The following NADSYN1 variants were observed in gnomAD, a reference collection of about 807,000 sequenced individuals.
NADSYN1 encodes NAD synthetase 1.
A neutral mutation model predicts 99.3 loss-of-function variants in NADSYN1; 80 were observed. That is an observed-to-expected ratio of 0.81 (90% CI 0.67 to 0.97). The LOEUF is 0.97. Ranked by LOEUF, NADSYN1 falls within the 50% of genes least tolerant of loss-of-function variation. NADSYN1 has a pLI of 0.00. For missense variants in NADSYN1, 859 were observed against 948.5 expected (o/e 0.91, Z 1.24); for synonymous variants, 385 against 372.1 (o/e 1.03, Z -0.40).
chr11:71,466,913 A>G (rs1949595243), intron 5 of NADSYN1: 1 of 152,164 alleles, frequency 6.6e-6, no homozygotes, highest in Non-Finnish European at 1.5e-5. Context: ...TTTTGCCCCA[A>G]GGGTTTCCTA....
intron 13 of NADSYN1, 84 bp from the exon 14 acceptor site, chr11:71,482,765 C>T: frequency 1.4e-6 from 2 of 1,469,554 alleles, no homozygotes; most frequent in East Asian, 2.5e-5. Context: ...GCATGGGCAC[C>T]TGGGGGTGTA....
intron 17 of NADSYN1, among the ~76,000 whole-genome samples, chr11:71,491,449 C>T (rs1171702406): frequency 7.3e-5 from 9 of 124,080 alleles, no homozygotes; most frequent in African/African-American, 2.4e-4. Context: ...TGCTTAGCTT[C>T]GCCACACGGG....
chr11:71,491,938 C>T (rs1210931127), intron 18 of NADSYN1, 35 bp downstream of exon 18: 5 of 1,592,746 alleles, frequency 3.1e-6, no homozygotes, highest in Non-Finnish European at 4.3e-6. Context: ...TGCTTCCTGC[C>T]CTCCTCCCCA....
chr11:71,464,683 C>T (rs557336098), intron 5 of NADSYN1, among the ~76,000 whole-genome samples: 7 of 152,010 alleles, frequency 4.6e-5, no homozygotes, highest in East Asian at 3.9e-4. Flanking sequence ...CTGGCTAACA[C>T]GGTGAAACCC....
chr11:71,501,240 T>A lies in NADSYN1; in HGVS notation c.2071-62T>A. On this transcript the variant is annotated intron_variant, in intron 20 of 20. Coordinates refer to ENST00000319023, the MANE Select transcript of NADSYN1 (RefSeq NM_018161.5). ...GTGACCCGCTTTTGGTGCGTGCCAG[T>A]GTTTCAACAGCCCCACAGTCCGTCT... The A allele has an allele frequency of 2.1e-6, 3 of 1,425,164 alleles. No individual in the cohort carries two copies. In the South Asian group the frequency reaches 4.4e-5, roughly 21 times the overall value. 88.3% of individuals were successfully genotyped at this position (1,425,164 alleles called of 1,614,324 possible).
At position 71,478,464 on chromosome 11, in the gene NADSYN1, C is replaced by T; in HGVS notation, c.868C>T (p.Leu290=). The part of the protein sequence containing the change: ...SYRAEISSRN[L]AASRASPYPR... ...CAGGGCGGAGATTTCATCTCGAAAC[C>T]TGGCGGTGAGTGCTCCAGTAGACAC... The change falls in exon 10 of 21, where the codon CTG becomes TTG. Residue 290 remains leucine (L), a synonymous_variant. Coordinates refer to ENST00000319023, the MANE Select transcript of NADSYN1 (RefSeq NM_018161.5). 3 of 1,603,552 alleles carry T rather than the reference C, an allele frequency of 1.9e-6. No homozygotes were observed. Among genetic ancestry groups the T allele is most frequent in the Non-Finnish European group, 2.6e-6 (3 of 1,174,956 alleles).
At chr11:71,455,628 C>T (rs1179784255) in intron 2 of NADSYN1, among the ~76,000 whole-genome samples, 2 of 152,190 alleles carry the variant, frequency 1.3e-5, no homozygotes, top group Non-Finnish European at 2.9e-5. Context: ...GCTTGTTGGC[C>T]CCTTCTACCA....
rs777170616 is a variant in NADSYN1 at position 71,491,838 on chromosome 11, C to T, written c.1699C>T (p.Leu567=). The change falls in exon 18 of 21, where the codon CTG becomes TTG. Residue 567 remains leucine (L), a synonymous_variant. Coordinates refer to ENST00000319023, the MANE Select transcript of NADSYN1 (RefSeq NM_018161.5). ...CTCTGTGTGTTTTGGCTGCAGCATCCTGTTGGCGCCGGCCACCGCAGAGCT... is the reference window on the plus strand; with the variant it reads ...CTCTGTGTGTTTTGGCTGCAGCATCTTGTTGGCGCCGGCCACCGCAGAGCT... The part of the protein sequence containing the change: ...RFQLPALQSI[L]LAPATAELEP... The T allele has an allele frequency of 4.3e-6, 7 of 1,614,014 alleles. No individual in the cohort carries two copies. The South Asian group carries it at 6.6e-5, about 15-fold the overall frequency.
chr11:71,487,517 G>A (rs1296989494), intron 16 of NADSYN1, among the ~76,000 whole-genome samples: 1 of 152,122 alleles, frequency 6.6e-6, no homozygotes, highest in Non-Finnish European at 1.5e-5. Context: ...GAGCTGGAAG[G>A]TCTCTAGATG....
chr11:71,487,676 A>G (rs1263809304), intron 16 of NADSYN1, among the ~76,000 whole-genome samples: 1 of 151,828 alleles, frequency 6.6e-6, no homozygotes, highest in African/African-American at 2.4e-5. Context: ...CTAAAAATAC[A>G]AAAAATTAGC....
chr11:71,501,682 C>T lies in NADSYN1; in HGVS notation c.*330C>T. Reference sequence around the variant, plus strand: ...GGCATCTTTGCTGCAGGAACAAGAACAGTAGCTCCCGGGAAGGGAGGGGTG... The same window carrying T: ...GGCATCTTTGCTGCAGGAACAAGAATAGTAGCTCCCGGGAAGGGAGGGGTG... On this transcript the variant is annotated 3_prime_UTR_variant, in exon 21 of 21. Transcript: ENST00000319023. 2.9e-6 allele frequency: 1 copy of T among 349,856 alleles called. No homozygotes were observed. Among genetic ancestry groups the T allele is most frequent in the South Asian group, 4.5e-5 (1 of 22,264 alleles). 21.7% of individuals were successfully genotyped at this position (349,856 alleles called of 1,614,324 possible). A position where few individuals can be genotyped will look rare whatever the true frequency, so the allele number is the denominator to read the frequency against.
chr11:71,459,454 C>T (rs1042040898), intron 3 of NADSYN1, among the ~76,000 whole-genome samples: 7 of 151,616 alleles, frequency 4.6e-5, no homozygotes, highest in East Asian at 1.9e-4. Flanking sequence ...CCTGCATAGC[C>T]GGTCCCCTAT....
chr11:71,456,509 T>G (rs1014802104), intron 2 of NADSYN1, among the ~76,000 whole-genome samples: 11 of 152,202 alleles, frequency 7.2e-5, no homozygotes, highest in Non-Finnish European at 1.5e-4. Context: ...CTGATCCTCA[T>G]GTCCTGTCTG....
intron 6 of NADSYN1, 49 bp from the exon 7 acceptor site, chr11:71,473,229 G>A (rs1374054515): frequency 6.4e-6 from 10 of 1,572,240 alleles, no homozygotes; most frequent in Non-Finnish European, 8.8e-6. Flanking sequence ...GCGTGGCCCA[G>A]ACAGGGCATG....
Position 71,458,434 on chromosome 11 carries a change from C to T in NADSYN1, c.153C>T (p.Tyr51=), listed in dbSNP as rs79175172. The T allele has an allele frequency of 6.8e-4, 1,100 of 1,613,226 alleles. 7 individuals carry two copies. The African/African-American group carries it at 0.012, about 18-fold the overall frequency. The change falls in exon 3 of 21, where the codon TAC becomes TAT. Residue 51 remains tyrosine (Y), a synonymous_variant. Coordinates refer to ENST00000319023, the MANE Select transcript of NADSYN1 (RefSeq NM_018161.5). ...CTTCTCACTGTCTCTGCAGCGGCTACGGATGTTGGGATCATTATTACGAGT... is the reference window on the plus strand; with the variant it reads ...CTTCTCACTGTCTCTGCAGCGGCTATGGATGTTGGGATCATTATTACGAGT... ...RLGPELEICG[Y]GCWDHYYESD...
chr11:71,478,120 A>G (rs908029405), intron 9 of NADSYN1, among the ~76,000 whole-genome samples: 6 of 149,924 alleles, frequency 4.0e-5, no homozygotes, highest in Non-Finnish European at 1.5e-5. Flanking sequence ...TGTCTTACTG[A>G]CGGGGTGTGT....
chr11:71,484,543 C>G, intron 15 of NADSYN1, 96 bp downstream of exon 15: 1 of 1,466,196 alleles, frequency 6.8e-7, no homozygotes, highest in Non-Finnish European at 9.1e-7. Flanking sequence ...CCTGGGCCAT[C>G]GTCTCCATGA....
intron 6 of NADSYN1, 51 bp downstream of exon 6, chr11:71,472,551 G>A (rs756444717): frequency 5.9e-6 from 9 of 1,513,800 alleles, no homozygotes; most frequent in Admixed American, 1.7e-5. Context: ...CGCTGTTCTC[G>A]GCCAACAGTG....
chr11:71,494,644 G>A (rs1245005884), intron 18 of NADSYN1, among the ~76,000 whole-genome samples: 7 of 152,184 alleles, frequency 4.6e-5, no homozygotes, highest in South Asian at 2.1e-4. Context: ...TCCGCCTCCC[G>A]GGTTCAAGCA....
Sources: allele counts gnomAD v4.1 joint callset (sites outside exome capture counted in the v4.1 genomes callset), GRCh38; gene constraint gnomAD v4.1.1; transcripts MANE v1.5; gene names NCBI Gene and HGNC (gene_info 2026-07-23, HGNC 2026-07-21).